The following WNT2B variants were observed in gnomAD, a reference collection of about 807,000 sequenced individuals.
WNT2B encodes protein Wnt-2b.
WNT2B carries 19 observed loss-of-function variants against 40.5 expected under a neutral mutation model. That is an observed-to-expected ratio of 0.47 (90% confidence interval 0.33 to 0.69). The LOEUF is 0.69. Ranked by LOEUF, WNT2B falls within the 30% of genes least tolerant of loss-of-function variation. WNT2B has a pLI of 0.02. For synonymous variants in WNT2B, 220 were observed against 211.9 expected, an observed-to-expected ratio of 1.04 and a Z score of -0.33; for missense variants, 467 against 556.4, an observed-to-expected ratio of 0.84 and a Z score of 1.62.
chr1:112,498,785 C>G (rs1359660439), intron 1 of WNT2B, among the ~76,000 whole-genome samples: 1 of 152,150 alleles, frequency 6.6e-6, no homozygotes, highest in Non-Finnish European at 1.5e-5. Context: ...GAGAAGCTTT[C>G]CCTATATAGC....
intron 1 of WNT2B, among the ~76,000 whole-genome samples, chr1:112,512,341 C>T (rs1263113440): frequency 1.3e-5 from 2 of 152,210 alleles, no homozygotes; most frequent in African/African-American, 4.8e-5. Flanking sequence ...AAATCCCTGC[C>T]TTTGTGGAGT....
Position 112,509,321 on chromosome 1 carries a change from C to T in WNT2B, c.59C>T (p.Ala20Val), listed in dbSNP as rs968360160. Reference sequence around the variant, plus strand: ...CAGCTCCCGCTTCGGCGCGCCAGCGCCCCGGTCCCTGTGCCGTCGCCCGCG... The same window carrying T: ...CAGCTCCCGCTTCGGCGCGCCAGCGTCCCGGTCCCTGTGCCGTCGCCCGCG... The part of the protein sequence containing the change: ...AAQLPLRRAS[A>V]PVPVPSPAAP... Residue 20 changes from alanine (A) to valine (V), a missense_variant, in exon 1 of 5, where the codon GCC (alanine) becomes GTC (valine). Transcript: ENST00000369684. The surrounding 1 kb of genome is among the most constrained non-coding windows in gnomAD (Gnocchi z 4.2). The T allele has an allele frequency of 3.2e-6, 5 of 1,579,430 alleles. No homozygotes were observed. The highest frequency in any genetic ancestry group is 2.7e-5 in the African/African-American group (2 of 73,210).
intron 1 of WNT2B, among the ~76,000 whole-genome samples, chr1:112,500,895 A>C (rs1006767399): frequency 6.6e-6 from 1 of 152,234 alleles, no homozygotes; most frequent in Non-Finnish European, 1.5e-5. Flanking sequence ...TTACACTACA[A>C]ATGTATGGTA....
In WNT2B at chr1:112,488,184, G is replaced by A. The variant is rs540741328; in HGVS notation, c.-95+20593G>A. 2.0e-5 allele frequency among the ~76,000 whole-genome samples: 3 copies of A among 151,958 alleles called. No individual in the cohort carries two copies. In the South Asian group the frequency reaches 6.2e-4, roughly 32 times the overall value. Reference sequence around the variant, plus strand: ...GGGTGGTGCACGCCTAGTAATCCCAGCTATTTGGGAGGCTGAGGCTGGAGA... The same window carrying A: ...GGGTGGTGCACGCCTAGTAATCCCAACTATTTGGGAGGCTGAGGCTGGAGA... On this transcript the variant is annotated intron_variant, in intron 1 of 4. Transcript: ENST00000256640.
chr1:112,486,372 G>A (rs1651418081), intron 1 of WNT2B, among the ~76,000 whole-genome samples: 1 of 152,134 alleles, frequency 6.6e-6, no homozygotes, highest in East Asian at 1.9e-4. Context: ...GAGCTTCAGA[G>A]GCAATGGTTG....
In WNT2B at chr1:112,484,246, C is replaced by CAT. The variant is rs1354872917; in HGVS notation, c.-95+16663_-95+16664dup. On this transcript the variant is annotated intron_variant, in intron 1 of 4. Transcript: ENST00000256640. Reference sequence around the variant, plus strand: ...ATATATATATACACATATATATACACATATATATACACATATATATATACA... The same window carrying CAT: ...ATATATATATACACATATATATACACATATATATATACACATATATATATACA... 2.2e-3 allele frequency among the ~76,000 whole-genome samples: 256 copies of CAT among 116,644 alleles called. 1 individual carries two copies. Among genetic ancestry groups the CAT allele is most frequent in the East Asian group, 9.1e-3 (43 of 4,720 alleles). 76.5% of individuals were successfully genotyped at this position (116,644 alleles called of 152,430 possible).
Position 112,521,717 on chromosome 1 carries a change from T to C in WNT2B, c.*1208T>C, listed in dbSNP as rs944726613. On this transcript the variant is annotated 3_prime_UTR_variant, in exon 5 of 5. Transcript: ENST00000369684. The stretch of plus-strand genomic sequence containing the variant: ...ACTCCACATTTGGCTTAATGGGTAA[T>C]GCTATTACCCATTGCCTAACTAGGT... 2 of 152,220 alleles carry C rather than the reference T, an allele frequency of 1.3e-5. No homozygotes were observed. The highest frequency in any genetic ancestry group is 4.8e-5 in the African/African-American group (2 of 41,452). The allele number at this position is 152,220 out of a possible 1,614,324, so 9.4% of individuals were successfully genotyped here. A position where few individuals can be genotyped will look rare whatever the true frequency, so the allele number is the denominator to read the frequency against.
chr1:112,497,062 G>C (rs1374988760), intron 1 of WNT2B, among the ~76,000 whole-genome samples: 1 of 152,188 alleles, frequency 6.6e-6, no homozygotes, highest in Non-Finnish European at 1.5e-5. Flanking sequence ...ACAAGCGTTG[G>C]GCCCCCAAGC....
chr1:112,498,036 G>A (rs1206418539), intron 1 of WNT2B, among the ~76,000 whole-genome samples: 6 of 151,590 alleles, frequency 4.0e-5, no homozygotes, highest in South Asian at 4.2e-4. Flanking sequence ...TTTAAGCCCC[G>A]CATGCATTAG....
intron 1 of WNT2B, among the ~76,000 whole-genome samples, chr1:112,472,301 T>G (rs1461933832): frequency 3.3e-5 from 5 of 152,140 alleles, no homozygotes; most frequent in Non-Finnish European, 7.3e-5. Flanking sequence ...AGGCCTCCCC[T>G]GGAGTCTTCA....
rs1027389559 is a variant in WNT2B at position 112,527,489 on chromosome 1, C to T, written c.*6980C>T. ...CAGCACAGCCCCATGAGGCCACACA[C>T]CAGATGGAGGGGATAAAAGTACGAG... On this transcript the variant is annotated 3_prime_UTR_variant, in exon 5 of 5. Coordinates refer to ENST00000369684, the MANE Select transcript of WNT2B (RefSeq NM_024494.3). The T allele has an allele frequency of 6.5e-6, 1 of 152,764 alleles. No individual in the cohort carries two copies. The highest frequency in any genetic ancestry group is 1.5e-5 in the Non-Finnish European group (1 of 68,110). The allele number at this position is 152,764 out of a possible 1,614,324, so 9.5% of individuals were successfully genotyped here. A position where few individuals can be genotyped will look rare whatever the true frequency, so the allele number is the denominator to read the frequency against.
chr1:112,469,705 C>T (rs775045858), intron 1 of WNT2B, among the ~76,000 whole-genome samples: 1 of 152,030 alleles, frequency 6.6e-6, no homozygotes, highest in Non-Finnish European at 1.5e-5. Context: ...CCTCCGTCTC[C>T]CAGGTTCAAG....
rs1653058185 is a variant in WNT2B, at chr1:112,524,113, C to T, written c.*3604C>T. The T allele has an allele frequency of 1.3e-5, 2 of 152,500 alleles. No homozygotes were observed. The highest frequency in any genetic ancestry group is 4.8e-5 in the African/African-American group (2 of 41,434). The allele number at this position is 152,500 out of a possible 1,614,324, so 9.4% of individuals were successfully genotyped here. ...AACACTCACTGCTTCATTTCTATTCCTCCTGTTGCAGGGAGTAATTTCTTC... is the reference window on the plus strand; with the variant it reads ...AACACTCACTGCTTCATTTCTATTCTTCCTGTTGCAGGGAGTAATTTCTTC... On this transcript the variant is annotated 3_prime_UTR_variant, in exon 5 of 5. Coordinates refer to ENST00000369684, the MANE Select transcript of WNT2B (RefSeq NM_024494.3).
At chr1:112,498,517 G>C (rs1408895051) in intron 1 of WNT2B, among the ~76,000 whole-genome samples, 1 of 151,650 alleles carries the variant, frequency 6.6e-6, no homozygotes, top group Non-Finnish European at 1.5e-5. Context: ...TTACAGACTT[G>C]AGCCACCACA....
Position 112,525,717 on chromosome 1 carries a change from C to A in WNT2B, c.*5208C>A. On this transcript the variant is annotated 3_prime_UTR_variant, in exon 5 of 5. Coordinates refer to ENST00000369684, the MANE Select transcript of WNT2B (RefSeq NM_024494.3). ...CTCTTTGACCAAAGGAGCCAAAATG[C>A]GGTGACTTGACTTCAACCCCAACAG... is the stretch of plus-strand genomic sequence containing the variant. The A allele has an allele frequency of 4.0e-6, 1 of 251,666 alleles. No homozygotes were observed. The highest frequency in any genetic ancestry group is 7.7e-6 in the Non-Finnish European group (1 of 130,330). 15.6% of individuals were successfully genotyped at this position (251,666 alleles called of 1,614,324 possible). A position where few individuals can be genotyped will look rare whatever the true frequency, so the allele number is the denominator to read the frequency against.
At chr1:112,483,221 C>CACACACAT (rs1445883765) in intron 1 of WNT2B, among the ~76,000 whole-genome samples, 1 of 67,338 alleles carries the variant, frequency 1.5e-5, no homozygotes, top group Non-Finnish European at 2.6e-5. Flanking sequence ...CACACACACA[C>CACACACAT]ATATACACAC....
intron 1 of WNT2B, among the ~76,000 whole-genome samples, chr1:112,497,534 C>T (rs1245532248): frequency 6.6e-6 from 1 of 152,194 alleles, no homozygotes; most frequent in Non-Finnish European, 1.5e-5. Flanking sequence ...CCCCCAATAA[C>T]ATTCTGCTTC....
chr1:112,472,998 GGAGGGAAGGGGAGAGAGAGAGAGGGA>G (rs1650929879), intron 1 of WNT2B, among the ~76,000 whole-genome samples: 1 of 143,952 alleles, frequency 6.9e-6, no homozygotes, highest in African/African-American at 2.6e-5. Context: ...GGGAGGGAGG[GGAGGGAAGGGGAGAGAGAGAGAGGGA>G]AGGAGGGAGA....
chr1:112,494,697 A>G (rs1651711904), intron 1 of WNT2B, among the ~76,000 whole-genome samples: 1 of 151,620 alleles, frequency 6.6e-6, no homozygotes, highest in Admixed American at 6.5e-5. Flanking sequence ...ACACTGTCTC[A>G]GACAAACAAA....
Sources: gnomAD v4.1 joint callset for allele counts (sites outside exome capture counted in the v4.1 genomes callset) on GRCh38, gnomAD v4.1.1 for gene constraint, Gnocchi (gnomAD v3.1) non-coding constraint, MANE v1.5 for transcripts, NCBI Gene and HGNC (gene_info 2026-07-23, HGNC 2026-07-21) for gene names.